The following LBR variants were observed in gnomAD, a reference collection of about 807,000 sequenced individuals.
The protein encoded by LBR is lamin B receptor, also known as delta(14)-sterol reductase LBR.
LBR carries 28 observed loss-of-function variants against 74.3 expected under a neutral mutation model. The observed-to-expected ratio is 0.38, with a 90% CI of 0.28 to 0.52. The LOEUF (loss-of-function observed/expected upper bound fraction) is 0.52, where lower values mean the gene tolerates loss of function less well. LBR is among the 20% of genes least tolerant of loss of function. The pLI is 0.89. For missense variants in LBR, 717 were observed against 760.3 expected (o/e 0.94, Z 0.67); for synonymous variants, 228 against 269.3 (o/e 0.85, Z 1.50).
At chr1:225,426,083 T>C (rs2096138591) in intron 1 of LBR, among the ~76,000 whole-genome samples, 1 of 152,218 alleles carries the variant, frequency 6.6e-6, no homozygotes, top group Admixed American at 6.5e-5. Context: ...TAAAGCTTAC[T>C]TTTTAAAAGA....
In LBR at chr1:225,422,161, G is replaced by A. The variant is rs2096128510; in HGVS notation, c.282C>T (p.Ala94=). The A allele has an allele frequency of 1.9e-6, 3 of 1,613,952 alleles. No homozygotes were observed. Among genetic ancestry groups the A allele is most frequent in the Non-Finnish European group, 2.5e-6 (3 of 1,180,040 alleles). ...GGTGGGAAGCAGAAGCAGATCGGCG[G>A]GCACTTTTAGGTGGTCGACCAGGGG... The part of the protein sequence containing the change: ...SRSPGRPPKS[A]RRSASASHQA... The change falls in exon 3 of 14, where the codon GCC becomes GCT. Residue 94 remains alanine, a synonymous_variant. Coordinates refer to ENST00000272163, the MANE Select transcript of LBR (RefSeq NM_002296.4).
At position 225,422,287 on chromosome 1, in the gene LBR, G is replaced by T; in HGVS notation, c.166-10C>A. The T allele has an allele frequency of 6.2e-7, 1 of 1,609,766 alleles. No individual in the cohort carries two copies. Among genetic ancestry groups the T allele is most frequent in the Non-Finnish European group, 8.5e-7 (1 of 1,177,428 alleles). On this transcript the variant is annotated splice_polypyrimidine_tract_variant and intron_variant, in intron 2 of 13. Coordinates refer to ENST00000272163, the MANE Select transcript of LBR (RefSeq NM_002296.4). ...TAAAGGAAGTTAAAGGCTAGAAAGG[G>T]GGAAGAAGGCAAAGAGCTTTACCAC...
intron 3 of LBR, among the ~76,000 whole-genome samples, chr1:225,421,211 T>C (rs1275970690): frequency 2.0e-5 from 3 of 152,374 alleles, no homozygotes; most frequent in African/African-American, 7.2e-5. Context: ...TAAAAGTCTG[T>C]TGCCGGGCGC....
intron 2 of LBR, 47 bp from the exon 3 acceptor site, chr1:225,422,324 C>T (rs2150958508): frequency 6.8e-7 from 1 of 1,468,798 alleles, no homozygotes; most frequent in Non-Finnish European, 9.5e-7. Flanking sequence ...AATCATAACA[C>T]ATACAGACAG....
At chr1:225,410,481 G>C in intron 9 of LBR, 65 bp from the exon 10 acceptor site, 1 of 1,551,144 alleles carries the variant, frequency 6.4e-7, no homozygotes. Flanking sequence ...CACTACAAAG[G>C]CATGAGTGAG....
At chr1:225,426,018 T>C (rs1316388271) in intron 1 of LBR, among the ~76,000 whole-genome samples, 2 of 152,226 alleles carry the variant, frequency 1.3e-5, no homozygotes, top group Admixed American at 6.5e-5. Flanking sequence ...AAGATTCTTA[T>C]CAATTATTCT....
chr1:225,415,249 C>A, intron 7 of LBR, 29 bp downstream of exon 7: 2 of 1,392,668 alleles, frequency 1.4e-6, no homozygotes, highest in South Asian at 1.2e-5. Context: ...ATCAAATCAT[C>A]AATTTGAGTC....
chr1:225,402,776 T>G lies in LBR; in HGVS notation c.*527A>C, dbSNP rs922480181. 1 of 156,684 alleles carries G rather than the reference T, an allele frequency of 6.4e-6. No individual in the cohort carries two copies. 9.7% of individuals were successfully genotyped at this position (156,684 alleles called of 1,614,324 possible). ...TCCTTTAAGCAGTGTCTGCTAATAATGTCATCACTTTTCACTTTCAGCATT... is the reference window on the plus strand; with the variant it reads ...TCCTTTAAGCAGTGTCTGCTAATAAGGTCATCACTTTTCACTTTCAGCATT... On this transcript the variant is annotated 3_prime_UTR_variant, in exon 14 of 14. Coordinates refer to ENST00000272163, the MANE Select transcript of LBR (RefSeq NM_002296.4).
At chr1:225,424,590 G>T (rs2096135617) in intron 1 of LBR, among the ~76,000 whole-genome samples, 1 of 152,156 alleles carries the variant, frequency 6.6e-6, no homozygotes, top group Non-Finnish European at 1.5e-5. Context: ...AGTCTGTAAT[G>T]AATAAATTTG....
At position 225,418,069 on chromosome 1, in the gene LBR, T is replaced by C. The variant is rs2096120831; in HGVS notation, c.752A>G (p.Tyr251Cys). The C allele has an allele frequency of 3.7e-6, 6 of 1,614,170 alleles. No homozygotes were observed. Among genetic ancestry groups the C allele is most frequent in the South Asian group, 1.1e-5 (1 of 91,086 alleles). Residue 251 changes from tyrosine (Y) to cysteine (C), a missense_variant, in exon 6 of 14, where the codon TAT becomes TGT. Transcript: ENST00000272163. Reference sequence around the variant, plus strand: ...AAATACTCTGGTTTCCCATAACTCATACAAAGCTGGCAAAGGAGGAGGGAA... The same window carrying C: ...AAATACTCTGGTTTCCCATAACTCACACAAAGCTGGCAAAGGAGGAGGGAA... ...LNFPPPLPAL[Y>C]ELWETRVFGV...
chr1:225,406,702 A>C lies in LBR; in HGVS notation c.1445T>G (p.Val482Gly). Residue 482 changes from valine (V) to glycine (G), a missense_variant, in exon 11 of 14, where the codon GTG (valine) becomes GGG (glycine). Physicochemically the swap from Val to Gly is moderately radical, Grantham distance 109. Transcript: ENST00000272163. Reference sequence around the variant, plus strand: ...AATTAGAGAAGCCATTGGCCAAGACACTTCATTTGGATGACTGACTAAATA... The same window carrying C: ...AATTAGAGAAGCCATTGGCCAAGACCCTTCATTTGGATGACTGACTAAATA... The part of the protein sequence containing the change: ...AFYLVSHPNE[V>G]SWPMASLIIV... The C allele has an allele frequency of 6.2e-7, 1 of 1,613,714 alleles. No individual in the cohort carries two copies. The highest frequency in any genetic ancestry group is 8.5e-7 in the Non-Finnish European group (1 of 1,179,902).
Position 225,403,223 on chromosome 1 carries a change from A to G in LBR, c.*80T>C, listed in dbSNP as rs2096084626. ...ACAGACCCTGTCAGTGCAACAAAAG[A>G]AAGTTTCGGATTTTTTTCCTTGTTT... On this transcript the variant is annotated 3_prime_UTR_variant, in exon 14 of 14. Transcript: ENST00000272163. 7.1e-7 allele frequency: 1 copy of G among 1,399,810 alleles called. No individual in the cohort carries two copies. The highest frequency in any genetic ancestry group is 1.0e-6 in the Non-Finnish European group (1 of 985,600). 86.7% of individuals were successfully genotyped at this position (1,399,810 alleles called of 1,614,324 possible).
Position 225,411,354 on chromosome 1 carries a change from G to A in LBR, c.1171C>T (p.Pro391Ser). The change falls in exon 9 of 14, where the codon CCC becomes TCC. Residue 391 changes from proline (P) to serine (S), a missense_variant. Physicochemically the swap from Pro to Ser is moderately conservative, Grantham distance 74. Transcript: ENST00000272163. The stretch of plus-strand genomic sequence containing the variant: ...AGACATACCCATCCAATCAATCCGG[G>A]GCGCAATTCACAAAAGTATTTGAGA... ...FDLKYFCELR[P>S]GLIGWVVINL... 1 of 1,613,174 alleles carries A rather than the reference G, an allele frequency of 6.2e-7. No individual in the cohort carries two copies. Among genetic ancestry groups the A allele is most frequent in the Non-Finnish European group, 8.5e-7 (1 of 1,179,206 alleles).
rs115463653 is a variant in LBR, at chr1:225,402,582, T to C, written c.*721A>G. On this transcript the variant is annotated 3_prime_UTR_variant, in exon 14 of 14. Transcript: ENST00000272163. ...TTACTTTACAAAATTTTATTTAAAATACTGAAAATGTTTTGTTAAAAAGAC... is the reference window on the plus strand; with the variant it reads ...TTACTTTACAAAATTTTATTTAAAACACTGAAAATGTTTTGTTAAAAAGAC... 2 of 152,752 alleles carry C rather than the reference T, an allele frequency of 1.3e-5. No homozygotes were observed. Among genetic ancestry groups the C allele is most frequent in the African/African-American group, 4.8e-5 (2 of 41,582 alleles). The allele number at this position is 152,752 out of a possible 1,614,324, so 9.5% of individuals were successfully genotyped here.
In LBR at chr1:225,402,317, A is replaced by G. The variant is rs1353451781; in HGVS notation, c.*986T>C. On this transcript the variant is annotated 3_prime_UTR_variant, in exon 14 of 14. Coordinates refer to ENST00000272163, the MANE Select transcript of LBR (RefSeq NM_002296.4). Reference sequence around the variant, plus strand: ...ATAAAAATATTAGCCTGAAATGGCAAATTTTCAAACACCGATCTGTGTAAA... The same window carrying G: ...ATAAAAATATTAGCCTGAAATGGCAGATTTTCAAACACCGATCTGTGTAAA... The G allele has an allele frequency of 1.3e-5, 2 of 152,236 alleles. No individual in the cohort carries two copies. The highest frequency in any genetic ancestry group is 2.4e-5 in the African/African-American group (1 of 41,470). The allele number at this position is 152,236 out of a possible 1,614,324, so 9.4% of individuals were successfully genotyped here.
At chr1:225,409,709 C>T (rs1275277372) in intron 10 of LBR, among the ~76,000 whole-genome samples, 1 of 152,104 alleles carries the variant, frequency 6.6e-6, no homozygotes, top group East Asian at 1.9e-4. Context: ...AATATGCTGG[C>T]TGAGACAGAG....
Position 225,410,350 on chromosome 1 carries a change from C to T in LBR, c.1255G>A (p.Ala419Thr). Residue 419 changes from alanine (A) to threonine (T), a missense_variant, in exon 10 of 14, where the codon GCC becomes ACC. Coordinates refer to ENST00000272163, the MANE Select transcript of LBR (RefSeq NM_002296.4). ...KIQDRAVPSLAMILVNSFQLL... is the reference protein window; with the variant it reads ...KIQDRAVPSLTMILVNSFQLL... Reference sequence around the variant, plus strand: ...TGGAAACTATTAACTAAAATCATGGCCAAGGATGGAACAGCGCGGTCCTGT... The same window carrying T: ...TGGAAACTATTAACTAAAATCATGGTCAAGGATGGAACAGCGCGGTCCTGT... 1 of 1,614,178 alleles carries T rather than the reference C, an allele frequency of 6.2e-7. No individual in the cohort carries two copies. Among genetic ancestry groups the T allele is most frequent in the Non-Finnish European group, 8.5e-7 (1 of 1,180,030 alleles).
At position 225,418,200 on chromosome 1, in the gene LBR, A is replaced by G; in HGVS notation, c.641-20T>C. Reference sequence around the variant, plus strand: ...ACACACCTGCAAACAATTCATGAACATTCGAGGCTCAAATTTCAATCTGGT... The same window carrying G: ...ACACACCTGCAAACAATTCATGAACGTTCGAGGCTCAAATTTCAATCTGGT... On this transcript the variant is annotated intron_variant, in intron 5 of 13. Transcript: ENST00000272163. 6.2e-7 allele frequency: 1 copy of G among 1,606,356 alleles called. No individual in the cohort carries two copies. Among genetic ancestry groups the G allele is most frequent in the Non-Finnish European group, 8.5e-7 (1 of 1,174,328 alleles).
At chr1:225,406,888 A>G (rs1390301317) in intron 10 of LBR, 56 bp from the exon 11 acceptor site, 4 of 1,543,624 alleles carry the variant, frequency 2.6e-6, no homozygotes, top group Non-Finnish European at 3.6e-6. Flanking sequence ...AAAGTATTCA[A>G]ATAAAGTACT....
Sources: allele counts gnomAD v4.1 joint callset (sites outside exome capture counted in the v4.1 genomes callset), GRCh38; gene constraint gnomAD v4.1.1; transcripts MANE v1.5; gene names NCBI Gene and HGNC (gene_info 2026-07-23, HGNC 2026-07-21).